ENOX1: variants seen among roughly 807,000 people sequenced by gnomAD.
ENOX1 encodes ecto-NOX disulfide-thiol exchanger 1, also known as candidate growth-related and time keeping constitutive hydroquinone (NADH) oxidase.
ENOX1 carries 42 observed loss-of-function variants against 82.5 expected under a neutral mutation model. That is an observed-to-expected ratio of 0.51 (90% CI 0.40 to 0.66). ENOX1 has a LOEUF of 0.66. Ranked by LOEUF, ENOX1 falls within the 30% of genes least tolerant of loss-of-function variation. ENOX1 has a pLI of 0.00. For missense variants in ENOX1, 608 were observed against 811.6 expected, an observed-to-expected ratio of 0.75 and a Z score of 3.05; for synonymous variants, 271 against 282.2, an observed-to-expected ratio of 0.96 and a Z score of 0.40.
chr13:43,784,801 A>G (rs1039133461), intron 1 of ENOX1, among the ~76,000 whole-genome samples: 9 of 152,392 alleles, frequency 5.9e-5, no homozygotes, highest in South Asian at 2.1e-4. Context: ...TTTGTTTCAC[A>G]TTGACAAGGC....
intron 2 of ENOX1, among the ~76,000 whole-genome samples, chr13:43,654,870 C>T (rs2084358532): frequency 6.6e-6 from 1 of 152,174 alleles, no homozygotes; most frequent in Non-Finnish European, 1.5e-5. Context: ...AAACACTAAT[C>T]AGACTGTTTA....
intron 1 of ENOX1, among the ~76,000 whole-genome samples, chr13:43,744,131 T>C (rs1949898743): frequency 6.6e-6 from 1 of 152,152 alleles, no homozygotes; most frequent in African/African-American, 2.4e-5. Context: ...AGCTTTTCAC[T>C]CTCTCTATCC....
intron 1 of ENOX1, among the ~76,000 whole-genome samples, chr13:43,686,178 TATCTC>T (rs1398783167): frequency 6.6e-6 from 1 of 152,234 alleles, no homozygotes; most frequent in Non-Finnish European, 1.5e-5. Flanking sequence ...TTATTTGTGT[TATCTC>T]ATTTAATCCT....
intron 2 of ENOX1, among the ~76,000 whole-genome samples, chr13:43,515,859 CA>C (rs2077541055): frequency 6.6e-6 from 1 of 152,172 alleles, no homozygotes; most frequent in South Asian, 2.1e-4. Context: ...TCCCTGCTAA[CA>C]TGCCATGTAT....
Position 43,599,334 on chromosome 13 carries a change from C to T in ENOX1, c.-219+68145G>A, listed in dbSNP as rs143073787. ...TCCATGGCAGTACATCCCACCATCG[C>T]TGCACTCTCCCTCCCCTAAACACAC... is the stretch of plus-strand genomic sequence containing the variant. On this transcript the variant is annotated intron_variant, in intron 2 of 16. Transcript: ENST00000690772. Among the ~76,000 whole-genome samples, 216 of 152,098 alleles carry T rather than the reference C, an allele frequency of 1.4e-3. 1 individual carries two copies. The highest frequency in any genetic ancestry group is 5.0e-3 in the African/African-American group (208 of 41,526).
intron 1 of ENOX1, among the ~76,000 whole-genome samples, chr13:43,700,021 C>T (rs2086830564): frequency 6.6e-6 from 1 of 152,170 alleles, no homozygotes; most frequent in Non-Finnish European, 1.5e-5. Flanking sequence ...TACTGTACTA[C>T]AAAACCCTTG....
At chr13:43,309,818 A>T (rs2047087193) in intron 11 of ENOX1, among the ~76,000 whole-genome samples, 1 of 119,224 alleles carries the variant, frequency 8.4e-6, no homozygotes, top group Non-Finnish European at 1.8e-5. Context: ...ACAAAAAAAC[A>T]GTTTTTGCTT....
Position 43,412,873 on chromosome 13 carries a change from G to C in ENOX1, c.42C>G (p.Pro14=). 1 of 1,614,066 alleles carries C rather than the reference G, an allele frequency of 6.2e-7. No individual in the cohort carries two copies. Among genetic ancestry groups the C allele is most frequent in the Non-Finnish European group, 8.5e-7 (1 of 1,180,000 alleles). ...CAGCCATCATCTGAGGAAGCTCCTG[G>C]GGAAGCTGGGTGATGTTCTCAACTC... ...AGGVENITQL[P]QELPQMMAAA... The change falls in exon 4 of 17, where the codon CCC becomes CCG. Residue 14 remains proline, a synonymous_variant. Transcript: ENST00000690772.
At chr13:43,527,418 A>G (rs2078034382) in intron 2 of ENOX1, among the ~76,000 whole-genome samples, 1 of 152,034 alleles carries the variant, frequency 6.6e-6, no homozygotes, top group Admixed American at 6.6e-5. Context: ...TCTCCCCATA[A>G]CTTGCCCAAC....
chr13:43,295,992 C>T (rs2046264912), intron 12 of ENOX1, among the ~76,000 whole-genome samples: 1 of 152,132 alleles, frequency 6.6e-6, no homozygotes, highest in East Asian at 1.9e-4. Flanking sequence ...GGCTCTCCCG[C>T]TCCCTGTCTT....
chr13:43,405,768 C>T (rs529128193), intron 5 of ENOX1, among the ~76,000 whole-genome samples: 7 of 152,346 alleles, frequency 4.6e-5, no homozygotes, highest in African/African-American at 9.6e-5. Context: ...TGGGTAACTC[C>T]TGTCTGGTTG....
chr13:43,715,294 G>A, intron 1 of ENOX1, among the ~76,000 whole-genome samples: 1 of 152,098 alleles, frequency 6.6e-6, no homozygotes, highest in Non-Finnish European at 1.5e-5. Context: ...TTAGTCTGAT[G>A]GGCTTCCCTT....
intron 11 of ENOX1, among the ~76,000 whole-genome samples, chr13:43,312,667 T>C (rs1478637690): frequency 1.3e-5 from 2 of 152,236 alleles, no homozygotes; most frequent in African/African-American, 4.8e-5. Flanking sequence ...TTTCTTTTCT[T>C]CTTTTTCTTG....
At chr13:43,647,644 T>C (rs1232712734) in intron 2 of ENOX1, among the ~76,000 whole-genome samples, 2 of 152,196 alleles carry the variant, frequency 1.3e-5, no homozygotes, top group Non-Finnish European at 2.9e-5. Flanking sequence ...ACTATCCCTA[T>C]ACCCCCTTTG....
chr13:43,716,950 A>C (rs1594544985), intron 1 of ENOX1, among the ~76,000 whole-genome samples: 1 of 152,244 alleles, frequency 6.6e-6, no homozygotes, highest in East Asian at 1.9e-4. Flanking sequence ...CAATATTGTT[A>C]AAATGATGAT....
Position 43,780,239 on chromosome 13 carries a change from A to C in ENOX1, c.-285+6413T>G, listed in dbSNP as rs372267879. On this transcript the variant is annotated intron_variant, in intron 1 of 16. Coordinates refer to ENST00000690772, the MANE Select transcript of ENOX1 (RefSeq NM_001347969.2). Reference sequence around the variant, plus strand: ...ACCATTTATATGGTAAATGCCCAACAAATGTTTATTAAAGAAATAATCCCC... The same window carrying C: ...ACCATTTATATGGTAAATGCCCAACCAATGTTTATTAAAGAAATAATCCCC... 1.4e-3 allele frequency among the ~76,000 whole-genome samples: 215 copies of C among 152,196 alleles called. 1 individual carries two copies. In the South Asian group the frequency reaches 0.019, roughly 13 times the overall value.
intron 2 of ENOX1, among the ~76,000 whole-genome samples, chr13:43,526,894 C>T (rs1481601987): frequency 6.6e-6 from 1 of 152,044 alleles, no homozygotes; most frequent in African/African-American, 2.4e-5. Context: ...GGGATTACGG[C>T]CCATATGAAA....
intron 5 of ENOX1, among the ~76,000 whole-genome samples, chr13:43,382,250 A>C (rs1261292344): frequency 6.6e-6 from 1 of 152,096 alleles, no homozygotes; most frequent in Non-Finnish European, 1.5e-5. Context: ...AAAAAAGAGA[A>C]ACACACACAC....
chr13:43,219,055 G>A (rs2041646363), intron 16 of ENOX1, among the ~76,000 whole-genome samples: 1 of 152,094 alleles, frequency 6.6e-6, no homozygotes, highest in Non-Finnish European at 1.5e-5. Flanking sequence ...AGCTCTGAGT[G>A]AAGTTTACCC....
Sources: allele counts gnomAD v4.1 joint callset (sites outside exome capture counted in the v4.1 genomes callset), GRCh38; gene constraint gnomAD v4.1.1; transcripts MANE v1.5; gene names NCBI Gene and HGNC (gene_info 2026-07-23, HGNC 2026-07-21).